Variants in DCAF10 observed in about 807,000 individuals in gnomAD.
DCAF10 encodes DDB1- and CUL4-associated factor 10.
A neutral mutation model predicts 51.9 loss-of-function variants in DCAF10; 19 were observed. That is an observed-to-expected ratio of 0.37 (90% CI 0.26 to 0.54). The LOEUF is 0.54. Ranked by LOEUF, DCAF10 falls within the 20% of genes least tolerant of loss-of-function variation. The pLI is 0.87. For synonymous variants in DCAF10, 291 were observed against 297.1 expected (o/e 0.98, Z 0.21); for missense variants, 510 against 730.6 (o/e 0.70, Z 3.48).
intron 2 of DCAF10, among the ~76,000 whole-genome samples, chr9:37,839,296 G>A (rs1007907953): frequency 5.3e-5 from 8 of 151,920 alleles, no homozygotes; most frequent in Non-Finnish European, 1.2e-4. Flanking sequence ...TCCTGACCTT[G>A]TGATCCACCC....
intron 1 of DCAF10, among the ~76,000 whole-genome samples, chr9:37,804,303 C>T (rs1589071184): frequency 6.6e-6 from 1 of 151,794 alleles, no homozygotes; most frequent in East Asian, 2.0e-4. Flanking sequence ...ACGCTTATAC[C>T]ATATAAGCAT....
intron 1 of DCAF10, among the ~76,000 whole-genome samples, chr9:37,806,356 CTG>C (rs746926815): frequency 6.6e-6 from 1 of 152,170 alleles, no homozygotes; most frequent in Non-Finnish European, 1.5e-5. Flanking sequence ...CAGCAAGAGA[CTG>C]TCAGCAAACA....
intron 5 of DCAF10, among the ~76,000 whole-genome samples, chr9:37,859,688 C>G (rs1432254079): frequency 6.6e-6 from 1 of 152,180 alleles, no homozygotes; most frequent in African/African-American, 2.4e-5. Flanking sequence ...TTTTACCTTT[C>G]TAGAGTCCTT....
At chr9:37,802,313 C>A (rs1416426407) in intron 1 of DCAF10, among the ~76,000 whole-genome samples, 1 of 152,142 alleles carries the variant, frequency 6.6e-6, no homozygotes, top group African/African-American at 2.4e-5. Context: ...AGTAGATAGC[C>A]TTACTAAATA....
chr9:37,860,061 A>G lies in DCAF10; in HGVS notation c.1179A>G (p.Arg393=), dbSNP rs118047034. The G allele has an allele frequency of 0.028, 44,664 of 1,614,004 alleles. 885 individuals are homozygous for G. Among genetic ancestry groups the G allele is most frequent in the Non-Finnish European group, 0.031 (36,450 of 1,179,924 alleles). The part of the protein sequence containing the change: ...RASQREGVSP[R]NSLEVVTPEV... ...CTTATATCTCAGGAGTTTCACCACG[A>G]AATAGTCTTGAAGTCGTAACCCCTG... Residue 393 remains arginine, a synonymous_variant, in exon 6 of 7, where the codon CGA becomes CGG. Coordinates refer to ENST00000377724, the MANE Select transcript of DCAF10 (RefSeq NM_024345.5).
intron 3 of DCAF10, among the ~76,000 whole-genome samples, chr9:37,847,663 C>T (rs1170817317): frequency 6.6e-6 from 1 of 151,796 alleles, no homozygotes; most frequent in Non-Finnish European, 1.5e-5. Context: ...ACTGGAGGTG[C>T]AATCAGGTAA....
Position 37,857,355 on chromosome 9 carries a change from G to A in DCAF10, c.1165+4G>A. 1 of 1,587,252 alleles carries A rather than the reference G, an allele frequency of 6.3e-7. No homozygotes were observed. Among genetic ancestry groups the A allele is most frequent in the Non-Finnish European group, 8.5e-7 (1 of 1,169,622 alleles). Reference sequence around the variant, plus strand: ...TCACGAGCCTCTCAAAGAGAAGGTAGGTTAAAAGTTGGATTTTATAATCTT... The same window carrying A: ...TCACGAGCCTCTCAAAGAGAAGGTAAGTTAAAAGTTGGATTTTATAATCTT... On this transcript the variant is annotated splice_donor_region_variant and intron_variant, in intron 5 of 6. Coordinates refer to ENST00000377724, the MANE Select transcript of DCAF10 (RefSeq NM_024345.5).
intron 2 of DCAF10, among the ~76,000 whole-genome samples, chr9:37,835,709 A>T (rs1202787928): frequency 6.6e-6 from 1 of 152,222 alleles, no homozygotes; most frequent in Non-Finnish European, 1.5e-5. Flanking sequence ...ATTGCACTCC[A>T]GCCTGGGCAA....
At chr9:37,814,122 ATAT>A (rs1829449450) in intron 1 of DCAF10, among the ~76,000 whole-genome samples, 1 of 73,614 alleles carries the variant, frequency 1.4e-5, no homozygotes, top group Admixed American at 1.3e-4. Flanking sequence ...ATATATATAT[ATAT>A]ATTTGTTGTT....
chr9:37,801,188 G>T lies in DCAF10; in HGVS notation c.322G>T (p.Gly108Cys). Residue 108 changes from glycine (G) to cysteine (C), a missense_variant, in exon 1 of 7, where the codon GGC (glycine) becomes TGC (cysteine). By Grantham distance (159) the Gly-to-Cys change is radical. Around this residue, in one of 4 missense-constraint regions of DCAF10, gnomAD observed 251 missense variants for 227.9 expected, o/e 1.10. Coordinates refer to ENST00000377724, the MANE Select transcript of DCAF10 (RefSeq NM_024345.5). This position sits in a 1 kb window ranked among gnomAD's most constrained non-coding sequence, Gnocchi z 5.5. ...PGPDCRAKSR[G>C]RHGLGAGLGG... Reference sequence around the variant, plus strand: ...GCCAGACTGCAGGGCCAAGAGCCGGGGCCGACACGGCCTCGGCGCGGGCCT... The same window carrying T: ...GCCAGACTGCAGGGCCAAGAGCCGGTGCCGACACGGCCTCGGCGCGGGCCT... 1 of 1,544,734 alleles carries T rather than the reference G, an allele frequency of 6.5e-7. No individual in the cohort carries two copies. The highest frequency in any genetic ancestry group is 1.4e-5 in the African/African-American group (1 of 70,892).
At position 37,801,444 on chromosome 9, in the gene DCAF10, C is replaced by A; in HGVS notation, c.539+39C>A. 4 of 1,397,728 alleles carry A rather than the reference C, an allele frequency of 2.9e-6. No individual in the cohort carries two copies. The South Asian group carries it at 6.8e-5, about 24-fold the overall frequency. The allele number at this position is 1,397,728 out of a possible 1,614,324, so 86.6% of individuals were successfully genotyped here. ...CTCGGAGGGCGGGCGCCCGCCTCCG[C>A]CCGGCTCTGCTGCCAGCGGACGGCC... On this transcript the variant is annotated intron_variant, in intron 1 of 6. Transcript: ENST00000377724. The surrounding 1 kb of genome is among the most constrained non-coding windows in gnomAD (Gnocchi z 5.5).
intron 2 of DCAF10, among the ~76,000 whole-genome samples, chr9:37,824,975 T>C (rs1829809859): frequency 6.6e-6 from 1 of 152,128 alleles, no homozygotes; most frequent in African/African-American, 2.4e-5. Flanking sequence ...ACAATTATAG[T>C]GAGATATTTT....
chr9:37,803,087 A>G (rs983587053), intron 1 of DCAF10, among the ~76,000 whole-genome samples: 1 of 152,230 alleles, frequency 6.6e-6, no homozygotes, highest in Non-Finnish European at 1.5e-5. Flanking sequence ...GTATTTTCTC[A>G]TAACAGTTTT....
At chr9:37,803,864 T>C (rs1173951774) in intron 1 of DCAF10, among the ~76,000 whole-genome samples, 1 of 151,534 alleles carries the variant, frequency 6.6e-6, no homozygotes, top group African/African-American at 2.4e-5. Flanking sequence ...ATTAAAATTA[T>C]GAATTTAATA....
In DCAF10 at chr9:37,866,395, A is replaced by G. The variant is rs1831137778; in HGVS notation, c.*4887A>G. 6.6e-6 allele frequency: 1 copy of G among 152,552 alleles called. No individual in the cohort carries two copies. Among genetic ancestry groups the G allele is most frequent in the Non-Finnish European group, 1.5e-5 (1 of 68,038 alleles). The allele number at this position is 152,552 out of a possible 1,614,324, so 9.4% of individuals were successfully genotyped here. On this transcript the variant is annotated 3_prime_UTR_variant, in exon 7 of 7. Coordinates refer to ENST00000377724, the MANE Select transcript of DCAF10 (RefSeq NM_024345.5). ...CATAAAATGTAAAGGGCTATAACAAATATGTTATAAAGTGATTCTCTCAGC... is the reference window on the plus strand; with the variant it reads ...CATAAAATGTAAAGGGCTATAACAAGTATGTTATAAAGTGATTCTCTCAGC...
chr9:37,801,202 C>T lies in DCAF10; in HGVS notation c.336C>T (p.Leu112=), dbSNP rs938266050. ...CRAKSRGRHG[L]GAGLGGPGAR... is the part of the protein sequence containing the mutation. ...CCAAGAGCCGGGGCCGACACGGCCT[C>T]GGCGCGGGCCTGGGCGGCCCTGGCG... Residue 112 remains leucine, a synonymous_variant, in exon 1 of 7, where the codon CTC becomes CTT. Transcript: ENST00000377724. This position sits in a 1 kb window ranked among gnomAD's most constrained non-coding sequence, Gnocchi z 5.5. The T allele has an allele frequency of 3.2e-6, 5 of 1,549,370 alleles. No homozygotes were observed. Among genetic ancestry groups the T allele is most frequent in the East Asian group, 2.5e-5 (1 of 39,992 alleles).
At position 37,800,813 on chromosome 9, in the gene DCAF10, T is replaced by G; in HGVS notation, c.-54T>G. On this transcript the variant is annotated 5_prime_UTR_variant, in exon 1 of 7. Coordinates refer to ENST00000377724, the MANE Select transcript of DCAF10 (RefSeq NM_024345.5). The stretch of plus-strand genomic sequence containing the variant: ...GGAAGTGGCAGCTGAACAGGGGCAC[T>G]GAGGTGTCGGCCGGCGGGGCAGTGG... 2 of 1,497,680 alleles carry G rather than the reference T, an allele frequency of 1.3e-6. No homozygotes were observed. Among genetic ancestry groups the G allele is most frequent in the Non-Finnish European group, 1.8e-6 (2 of 1,129,080 alleles). The allele number at this position is 1,497,680 out of a possible 1,614,324, so 92.8% of individuals were successfully genotyped here.
chr9:37,857,746 G>C (rs1240582355), intron 5 of DCAF10, among the ~76,000 whole-genome samples: 1 of 152,144 alleles, frequency 6.6e-6, no homozygotes, highest in Non-Finnish European at 1.5e-5. Context: ...CAGACTTTTT[G>C]CTCTGCCATT....
rs1311404712 is a variant in DCAF10 at position 37,801,021 on chromosome 9, G to A, written c.155G>A (p.Arg52Gln). Residue 52 changes from arginine (R) to glutamine (Q), a missense_variant, in exon 1 of 7, where the codon CGA becomes CAA. Physicochemically the swap from Arg to Gln is conservative, Grantham distance 43 (BLOSUM62 1). Transcript: ENST00000377724. This position sits in a 1 kb window ranked among gnomAD's most constrained non-coding sequence, Gnocchi z 5.5. ...GCGACCCATCCCCCTCCACCCGCCC[G>A]AAGCCCTCGCCGCCCCGGCGCCCCA... ...ADATHPPPPARSPRRPGAPSL... is the reference protein window; with the variant it reads ...ADATHPPPPAQSPRRPGAPSL... 7 of 1,540,568 alleles carry A rather than the reference G, an allele frequency of 4.5e-6. No individual in the cohort carries two copies. In the South Asian group the frequency reaches 4.8e-5, roughly 11 times the overall value.
Sources: gnomAD v4.1 joint callset for allele counts (sites outside exome capture counted in the v4.1 genomes callset) on GRCh38, gnomAD v4.1.1 for gene constraint, gnomAD v4.1.1 regional missense constraint, Gnocchi (gnomAD v3.1) non-coding constraint, MANE v1.5 for transcripts, NCBI Gene and HGNC (gene_info 2026-07-23, HGNC 2026-07-21) for gene names.